The following CDC42SE2 variants were observed in gnomAD, a reference collection of about 807,000 sequenced individuals.
CDC42SE2 encodes the protein CDC42 small effector protein 2.
Under a neutral mutation model 11.5 loss-of-function variants are expected in CDC42SE2, and 3 were observed. That is an observed-to-expected ratio of 0.26 (90% CI 0.12 to 0.67). The LOEUF is 0.67. CDC42SE2 is among the 30% of genes least tolerant of loss of function. The probability of loss-of-function intolerance (pLI) is 0.80; values close to 1 mark genes in which losing one functional copy is unlikely to be tolerated. For missense variants in CDC42SE2, 82 were observed against 106.8 expected (o/e 0.77, Z 1.02); for synonymous variants, 33 against 34.8 (o/e 0.95, Z 0.18).
At chr5:131,279,337 G>T (rs2149700525) in intron 1 of CDC42SE2, among the ~76,000 whole-genome samples, 1 of 152,146 alleles carries the variant, frequency 6.6e-6, no homozygotes, top group East Asian at 1.9e-4. Flanking sequence ...CAGATCCTCT[G>T]ACAGAGTGTT....
intron 3 of CDC42SE2, among the ~76,000 whole-genome samples, chr5:131,370,482 C>CTT (rs1335026066): frequency 2.8e-5 from 4 of 142,666 alleles, no homozygotes; most frequent in African/African-American, 1.0e-4. Flanking sequence ...TTTATTTTAC[C>CTT]TTTTTTTTTT....
chr5:131,319,407 C>G (rs1009121836), intron 2 of CDC42SE2, among the ~76,000 whole-genome samples: 1 of 152,098 alleles, frequency 6.6e-6, no homozygotes, highest in East Asian at 1.9e-4. Flanking sequence ...TCTTGGTCTT[C>G]TCAACAAGGA....
chr5:131,307,532 T>C (rs1757805205), intron 1 of CDC42SE2, among the ~76,000 whole-genome samples: 1 of 152,130 alleles, frequency 6.6e-6, no homozygotes, highest in African/African-American at 2.4e-5. Context: ...AACATACGTG[T>C]GCATGTGTCT....
the CDC42SE2 span, among the ~76,000 whole-genome samples, chr5:131,221,271 T>G: frequency 6.6e-6 from 1 of 151,870 alleles, no homozygotes; most frequent in Non-Finnish European, 1.5e-5. Context: ...ATTCATAAAC[T>G]TTCATAAAAC....
At chr5:131,303,954 C>T (rs1757732884) in intron 1 of CDC42SE2, among the ~76,000 whole-genome samples, 1 of 151,570 alleles carries the variant, frequency 6.6e-6, no homozygotes, top group African/African-American at 2.4e-5. Context: ...TGGCTTCTGT[C>T]TAAAATAATT....
Position 131,332,088 on chromosome 5 carries a change from G to C in CDC42SE2, c.-286+15944G>C, listed in dbSNP as rs1378282473. Among the ~76,000 whole-genome samples the C allele has an allele frequency of 2.6e-5, 4 of 152,032 alleles. No individual in the cohort carries two copies. The South Asian group carries it at 6.2e-4, about 24-fold the overall frequency. On this transcript the variant is annotated intron_variant, in intron 2 of 4. Transcript: ENST00000505065. The stretch of plus-strand genomic sequence containing the variant: ...CCCATTAACTTATAATTTAGCATTA[G>C]GTATATCTCCTAATGCTATCCCTCC...
rs1202510014 is a variant in CDC42SE2, at chr5:131,304,603, G to A, written c.-454-11373G>A. 2.6e-5 allele frequency among the ~76,000 whole-genome samples: 4 copies of A among 152,236 alleles called. No individual in the cohort carries two copies. The East Asian group carries it at 7.7e-4, about 29-fold the overall frequency. On this transcript the variant is annotated intron_variant, in intron 1 of 4. Coordinates refer to ENST00000505065, the MANE Select transcript of CDC42SE2 (RefSeq NM_001375635.1). Reference sequence around the variant, plus strand: ...CTACCAAATTTAATGGAGGACTGAGGTACTCTGGACTATAATTGAATTAAC... The same window carrying A: ...CTACCAAATTTAATGGAGGACTGAGATACTCTGGACTATAATTGAATTAAC...
Position 131,385,586 on chromosome 5 carries a change from C to G in CDC42SE2, c.98C>G (p.Thr33Arg). 6.2e-7 allele frequency: 1 copy of G among 1,613,876 alleles called. No individual in the cohort carries two copies. The highest frequency in any genetic ancestry group is 8.5e-7 in the Non-Finnish European group (1 of 1,179,848). The change falls in exon 4 of 5, where the codon ACA (threonine) becomes AGA (arginine). Residue 33 changes from threonine to arginine, a missense_variant. By Grantham distance (71) the Thr-to-Arg change is moderately conservative. Coordinates refer to ENST00000505065, the MANE Select transcript of CDC42SE2 (RefSeq NM_001375635.1). ...GACAGAAGTATGATTGGAGAGCCCA[C>G]AAACTTTGTGCATACAGCTCATGTT... is the stretch of plus-strand genomic sequence containing the variant. ...RIDRSMIGEPTNFVHTAHVGS... is the reference protein window; with the variant it reads ...RIDRSMIGEPRNFVHTAHVGS...
intron 2 of CDC42SE2, among the ~76,000 whole-genome samples, chr5:131,321,244 A>G (rs536498251): frequency 6.6e-6 from 1 of 152,218 alleles, no homozygotes; most frequent in East Asian, 1.9e-4. Context: ...ATACAGGGTT[A>G]GTTTTTGCAG....
At position 131,253,606 on chromosome 5, in the gene CDC42SE2, A is replaced by G. The variant is rs1345141000; in HGVS notation, n.108-1489A>G. Among the ~76,000 whole-genome samples, 3 of 152,116 alleles carry G rather than the reference A, an allele frequency of 2.0e-5. No individual in the cohort carries two copies. In the East Asian group the frequency reaches 5.8e-4, roughly 29 times the overall value. The stretch of plus-strand genomic sequence containing the variant: ...TTGGCGAAACCCTATCTCTATTAAA[A>G]ATACAAAAATTAGCTGGGCATGGTG... On this transcript the variant is annotated intron_variant and non_coding_transcript_variant, in intron 1 of 3. Coordinates refer to the CDC42SE2 transcript ENST00000502840.
Position 131,390,426 on chromosome 5 carries a change from T to A in CDC42SE2, c.157-567T>A, listed in dbSNP as rs180782146. On this transcript the variant is annotated intron_variant, in intron 4 of 4. Coordinates refer to ENST00000505065, the MANE Select transcript of CDC42SE2 (RefSeq NM_001375635.1). ...TCGGCCGGGTGCGGTGGCTCATGCC[T>A]GTAATCGCAGCACTTTGGGAGGCCG... Among the ~76,000 whole-genome samples the A allele has an allele frequency of 5.3e-5, 8 of 152,286 alleles. No homozygotes were observed. In the East Asian group the frequency reaches 1.4e-3, roughly 26 times the overall value.
At chr5:131,283,822 T>C (rs908524550) in intron 1 of CDC42SE2, among the ~76,000 whole-genome samples, 2 of 152,210 alleles carry the variant, frequency 1.3e-5, no homozygotes. Context: ...TGAATATTAT[T>C]CTGTTGAATG....
chr5:131,286,217 C>G (rs1338541762), intron 1 of CDC42SE2, among the ~76,000 whole-genome samples: 4 of 151,482 alleles, frequency 2.6e-5, no homozygotes, highest in Admixed American at 6.6e-5. Context: ...GTAGCTGGGA[C>G]TATAGGTGCT....
At chr5:131,247,660 TATAG>T (rs1269604456) in intron 1 of CDC42SE2, among the ~76,000 whole-genome samples, 4 of 152,092 alleles carry the variant, frequency 2.6e-5, no homozygotes, top group African/African-American at 4.8e-5. Flanking sequence ...TATTTATTTG[TATAG>T]ATAGAGTTTC....
chr5:131,218,980 G>A, the CDC42SE2 span, among the ~76,000 whole-genome samples: 1 of 152,194 alleles, frequency 6.6e-6, no homozygotes, highest in East Asian at 1.9e-4. Context: ...CAAGATAGTG[G>A]ATAAATTTGA....
intron 1 of CDC42SE2, among the ~76,000 whole-genome samples, chr5:131,308,997 TGA>T (rs1165360682): frequency 6.7e-6 from 1 of 149,610 alleles, no homozygotes; most frequent in African/African-American, 2.4e-5. Flanking sequence ...ATAGGAGTGG[TGA>T]GAGAGGGCAT....
chr5:131,327,940 G>C (rs4626330), intron 2 of CDC42SE2, among the ~76,000 whole-genome samples: 3 of 152,176 alleles, frequency 2.0e-5, no homozygotes, highest in Non-Finnish European at 2.9e-5. Context: ...TAATGAACCA[G>C]AAGTGTATTG....
At chr5:131,359,188 C>T (rs1388913310) in intron 2 of CDC42SE2, 21 bp from the exon 3 acceptor site, 9 of 244,004 alleles carry the variant, frequency 3.7e-5, no homozygotes, top group African/African-American at 2.0e-4. Context: ...CTTTTTTTTA[C>T]TTTTTCTTTT....
chr5:131,256,467 A>T (rs1756680814), intron 2 of CDC42SE2, among the ~76,000 whole-genome samples: 1 of 152,202 alleles, frequency 6.6e-6, no homozygotes. Context: ...GGGCTGAAAC[A>T]ACATCCATTT....
Sources: gnomAD v4.1 joint callset for allele counts (sites outside exome capture counted in the v4.1 genomes callset) on GRCh38, gnomAD v4.1.1 for gene constraint, MANE v1.5 for transcripts, NCBI Gene and HGNC (gene_info 2026-07-23, HGNC 2026-07-21) for gene names.